Variants in BCL2L11 observed in about 807,000 individuals in gnomAD.
The protein encoded by BCL2L11 is bcl-2-like protein 11.
A neutral mutation model predicts 20.6 loss-of-function variants in BCL2L11; 15 were observed. That is an observed-to-expected ratio of 0.73 (90% CI 0.49 to 1.12). The LOEUF is 1.12. BCL2L11 is among the 50% of genes most tolerant of loss of function. The pLI is 0.00. For synonymous variants in BCL2L11, 108 were observed against 92.8 expected (o/e 1.16, Z -0.94); for missense variants, 292 against 260.9 (o/e 1.12, Z -0.82).
intron 2 of BCL2L11, chr2:111,131,491 A>G (rs909811555): frequency 2.0e-5 from 3 of 151,796 alleles, no homozygotes. Flanking sequence ...TGTCTTTTTT[A>G]TCTCTGTCAG....
At position 111,150,122 on chromosome 2, in the gene BCL2L11, A is replaced by C. The variant is rs1206255179; in HGVS notation, c.473A>C (p.Glu158Ala). 1 of 1,613,848 alleles carries C rather than the reference A, an allele frequency of 6.2e-7. No homozygotes were observed. The highest frequency in any genetic ancestry group is 1.1e-5 in the South Asian group (1 of 91,072). ...IAQELRRIGD[E>A]FNAYYARRVF... ...CAAGAGTTGCGGCGTATTGGAGACG[A>C]GTTTAACGCTTACTATGCAAGGAGG... The change falls in exon 3 of 4, where the codon GAG (glutamate) becomes GCG (alanine). Residue 158 changes from glutamate (E) to alanine (A), a missense_variant. Coordinates refer to ENST00000393256, the MANE Select transcript of BCL2L11 (RefSeq NM_138621.5).
At chr2:111,141,158 T>C (rs2075737149) in intron 2 of BCL2L11, among the ~76,000 whole-genome samples, 1 of 152,236 alleles carries the variant, frequency 6.6e-6, no homozygotes, top group Non-Finnish European at 1.5e-5. Context: ...GTCATAGCAG[T>C]GTAGGGAGTT....
chr2:111,147,383 CACACACA>C (rs2076689833), intron 2 of BCL2L11, among the ~76,000 whole-genome samples: 6 of 150,204 alleles, frequency 4.0e-5, no homozygotes, highest in East Asian at 1.9e-4. Context: ...CACACACACA[CACACACA>C]CCCGCCATTT....
chr2:111,149,063 G>T (rs564918747), intron 2 of BCL2L11, among the ~76,000 whole-genome samples: 1 of 152,144 alleles, frequency 6.6e-6, no homozygotes, highest in East Asian at 1.9e-4. Context: ...GTAAGTTAAC[G>T]TAAGTCACAC....
intron 2 of BCL2L11, among the ~76,000 whole-genome samples, chr2:111,134,699 G>C (rs944756652): frequency 6.6e-6 from 1 of 152,106 alleles, no homozygotes; most frequent in African/African-American, 2.4e-5. Context: ...TTTAATGATA[G>C]GTCTGTTAGT....
intron 3 of BCL2L11, among the ~76,000 whole-genome samples, chr2:111,155,268 T>C (rs1259265063): frequency 6.6e-6 from 1 of 152,204 alleles, no homozygotes; most frequent in Non-Finnish European, 1.5e-5. Context: ...GCCTGCACCT[T>C]CTCTTCCTGG....
At chr2:111,125,690 A>C (rs1329355160) in intron 2 of BCL2L11, among the ~76,000 whole-genome samples, 1 of 151,492 alleles carries the variant, frequency 6.6e-6, no homozygotes, top group Non-Finnish European at 1.5e-5. Flanking sequence ...GGTTGGGCAC[A>C]CCTGTGAGGT....
intron 2 of BCL2L11, among the ~76,000 whole-genome samples, chr2:111,139,891 T>C (rs2075533382): frequency 6.6e-6 from 1 of 152,242 alleles, no homozygotes; most frequent in Non-Finnish European, 1.5e-5. Context: ...GAAATAGCCC[T>C]GAGACAGGGC....
At chr2:111,154,612 A>G (rs1369307285) in intron 3 of BCL2L11, among the ~76,000 whole-genome samples, 1 of 152,210 alleles carries the variant, frequency 6.6e-6, no homozygotes, top group African/African-American at 2.4e-5. Flanking sequence ...GTGATGTGTC[A>G]GTGTGGCACA....
chr2:111,150,881 C>G (rs749177164), intron 3 of BCL2L11, among the ~76,000 whole-genome samples: 29 of 133,448 alleles, frequency 2.2e-4, no homozygotes, highest in Admixed American at 2.9e-4. Context: ...ACATGGGACA[C>G]TTTTGTTTGT....
chr2:111,122,452 G>A (rs924864003), intron 1 of BCL2L11, among the ~76,000 whole-genome samples: 4 of 152,198 alleles, frequency 2.6e-5, no homozygotes, highest in African/African-American at 9.6e-5. Context: ...GCTCGGAGGC[G>A]AGTTTGTCAA....
chr2:111,130,744 T>C (rs1460047421), intron 2 of BCL2L11, among the ~76,000 whole-genome samples: 1 of 152,218 alleles, frequency 6.6e-6, no homozygotes, highest in Non-Finnish European at 1.5e-5. Flanking sequence ...GTGTAGGTTT[T>C]ATATGGGTCG....
At chr2:111,147,346 T>TCTCACACACA (rs760779894) in intron 2 of BCL2L11, among the ~76,000 whole-genome samples, 3 of 137,414 alleles carry the variant, frequency 2.2e-5, no homozygotes, top group South Asian at 2.4e-4. Flanking sequence ...TCTCTCTCTC[T>TCTCACACACA]CACACACACA....
At chr2:111,126,915 G>A (rs1415633755) in intron 2 of BCL2L11, among the ~76,000 whole-genome samples, 1 of 152,124 alleles carries the variant, frequency 6.6e-6, no homozygotes, top group Admixed American at 6.5e-5. Context: ...AGTGTGTCTT[G>A]AAGTTTTGTT....
In BCL2L11 at chr2:111,123,606, GA is replaced by G. The variant is rs2071754539; in HGVS notation, c.-13-123del. On this transcript the variant is annotated intron_variant, in intron 1 of 3. Transcript: ENST00000393256. ...AATTTTTTTATTTGGGAGATTGTCAGAAAAGTATAGAACAAAGTATTTGGGA... is the reference window on the plus strand; with the variant it reads ...AATTTTTTTATTTGGGAGATTGTCAGAAAGTATAGAACAAAGTATTTGGGA... 5 of 1,209,740 alleles carry G rather than the reference GA, an allele frequency of 4.1e-6. No homozygotes were observed. In the Admixed American group the frequency reaches 2.1e-4, roughly 50 times the overall value. The allele number at this position is 1,209,740 out of a possible 1,614,324, so 74.9% of individuals were successfully genotyped here.
At chr2:111,121,846 T>A in intron 1 of BCL2L11, among the ~76,000 whole-genome samples, 1 of 152,066 alleles carries the variant, frequency 6.6e-6, no homozygotes, top group Non-Finnish European at 1.5e-5. Context: ...GAAATCTAGG[T>A]CCTCCCCTGA....
chr2:111,151,175 T>TA (rs1280607284), intron 3 of BCL2L11, among the ~76,000 whole-genome samples: 2 of 152,194 alleles, frequency 1.3e-5, no homozygotes, highest in East Asian at 3.8e-4. Context: ...GTGCTGGGAT[T>TA]ACAGGTGTGA....
At chr2:111,128,896 C>G in intron 2 of BCL2L11, 1 of 1,301,120 alleles carries the variant, frequency 7.7e-7, no homozygotes. Flanking sequence ...GAAAAATGCA[C>G]AATTAGATTT....
At position 111,144,450 on chromosome 2, in the gene BCL2L11, G is replaced by A. The variant is rs116081708; in HGVS notation, c.395-5594G>A. 2.2e-3 allele frequency: 3,417 copies of A among 1,549,528 alleles called. 63 individuals carry two copies. In the African/African-American group the frequency reaches 0.039, roughly 18 times the overall value. Reference sequence around the variant, plus strand: ...AAACATGATTCTGATAGCATTTACCGCAAACGCTGATGGCAGTTGCTCTCC... The same window carrying A: ...AAACATGATTCTGATAGCATTTACCACAAACGCTGATGGCAGTTGCTCTCC... On this transcript the variant is annotated intron_variant, in intron 2 of 3. Coordinates refer to ENST00000393256, the MANE Select transcript of BCL2L11 (RefSeq NM_138621.5).
Sources: allele counts gnomAD v4.1 joint callset (sites outside exome capture counted in the v4.1 genomes callset), GRCh38; gene constraint gnomAD v4.1.1; transcripts MANE v1.5; gene names NCBI Gene and HGNC (gene_info 2026-07-23, HGNC 2026-07-21).